Variants in MECR observed in about 807,000 individuals in gnomAD.
The protein encoded by MECR is enoyl-[acyl-carrier-protein] reductase, mitochondrial.
In MECR, 37 loss-of-function variants were observed where a neutral mutation model predicts 49.1. That is an observed-to-expected ratio of 0.75 (90% CI 0.58 to 0.99). The LOEUF is 0.99. Among genes scored for constraint, MECR ranks in the 50% least tolerant of loss-of-function variants. The probability of loss-of-function intolerance (pLI) is 0.00; values close to 1 mark genes in which losing one functional copy is unlikely to be tolerated. For missense variants in MECR, 470 were observed against 479.6 expected, an observed-to-expected ratio of 0.98 and a Z score of 0.19; for synonymous variants, 198 against 191.1, an observed-to-expected ratio of 1.04 and a Z score of -0.30.
the MECR span, among the ~76,000 whole-genome samples, chr1:29,186,344 C>T: frequency 6.6e-6 from 1 of 152,212 alleles, no homozygotes; most frequent in Non-Finnish European, 1.5e-5. Flanking sequence ...CAGCTGGCTC[C>T]TTCTTATTCA....
Position 29,206,916 on chromosome 1 carries a change from A to G in MECR, c.407-11T>C, listed in dbSNP as rs769663770. ...CGGTCCGCCAGGTTCCTGAGTCAGA[A>G]GATGAAGCCAGGATCATAAGGAAGG... On this transcript the variant is annotated splice_polypyrimidine_tract_variant and intron_variant, in intron 3 of 9. Transcript: ENST00000263702. The G allele has an allele frequency of 2.5e-6, 4 of 1,613,992 alleles. No individual in the cohort carries two copies. The South Asian group carries it at 3.3e-5, about 13-fold the overall frequency.
the MECR span, among the ~76,000 whole-genome samples, chr1:29,186,429 T>G: frequency 1.3e-5 from 2 of 152,226 alleles, no homozygotes; most frequent in Admixed American, 1.3e-4. Context: ...ACACAGTCTG[T>G]AATTACCTGG....
At chr1:29,179,128 C>G in the MECR span, among the ~76,000 whole-genome samples, 3 of 152,244 alleles carry the variant, frequency 2.0e-5, no homozygotes, top group South Asian at 4.1e-4. Context: ...CTCACTTCTT[C>G]CTTCCAGAGC....
At chr1:29,176,462 C>G in the MECR span, among the ~76,000 whole-genome samples, 2 of 148,562 alleles carry the variant, frequency 1.3e-5, no homozygotes, top group African/African-American at 5.0e-5. Flanking sequence ...TGGGAGAAGC[C>G]TTGGGAGAAT....
At chr1:29,189,408 T>C (rs981107028), downstream of MECR, among the ~76,000 whole-genome samples, 1 of 149,368 alleles carries the variant, frequency 6.7e-6, no homozygotes, top group South Asian at 2.1e-4. Flanking sequence ...GGGGGGGGTC[T>C]CCTCATGTTG....
At chr1:29,191,639 G>C (rs1349585397), downstream of MECR, among the ~76,000 whole-genome samples, 1 of 152,174 alleles carries the variant, frequency 6.6e-6, no homozygotes, top group Non-Finnish European at 1.5e-5. Flanking sequence ...GAAAGAGTTG[G>C]GGCTGATCTT....
At chr1:29,179,243 C>T in the MECR span, among the ~76,000 whole-genome samples, 1 of 152,146 alleles carries the variant, frequency 6.6e-6, no homozygotes, top group African/African-American at 2.4e-5. Flanking sequence ...AGGCTTGATC[C>T]ATGCTAGATT....
intron 1 of MECR, chr1:29,216,962 C>T (rs1034259072): frequency 6.7e-5 from 30 of 447,190 alleles, no homozygotes; most frequent in Non-Finnish European, 9.2e-5. Flanking sequence ...TGGTGAAAAC[C>T]TGTCTCTACT....
chr1:29,169,175 T>C, the MECR span: 1 of 152,222 alleles, frequency 6.6e-6, no homozygotes, highest in African/African-American at 2.4e-5. Context: ...ACTCTGAGGT[T>C]TACTGTCATC....
chr1:29,203,116 T>G lies in MECR; in HGVS notation c.653+15A>C, dbSNP rs755352423. On this transcript the variant is annotated intron_variant, in intron 5 of 9. Transcript: ENST00000263702. ...CCAAGACATGGTCTGGGATGAAGCC[T>G]CCTTCCCCACGCACCTGTCTCGGAC... The G allele has an allele frequency of 2.6e-6, 4 of 1,554,934 alleles. No individual in the cohort carries two copies. The highest frequency in any genetic ancestry group is 1.9e-5 in the Admixed American group (1 of 52,700).
chr1:29,228,496 C>A (rs1043371592), intron 1 of MECR, among the ~76,000 whole-genome samples: 4 of 151,924 alleles, frequency 2.6e-5, no homozygotes, highest in African/African-American at 9.7e-5. Context: ...GAACTACAGG[C>A]TTGCACCCCC....
intron 4 of MECR, 79 bp downstream of exon 4, chr1:29,206,683 T>C: frequency 1.3e-6 from 2 of 1,542,538 alleles, no homozygotes; most frequent in Non-Finnish European, 1.8e-6. Flanking sequence ...TTGCAAGTTC[T>C]CCTGGCCTTG....
chr1:29,183,387 C>T, the MECR span, among the ~76,000 whole-genome samples: 1 of 148,514 alleles, frequency 6.7e-6, no homozygotes, highest in Non-Finnish European at 1.5e-5. Context: ...GCATTTCTCT[C>T]TCTCTCTTTC....
intron 3 of MECR, among the ~76,000 whole-genome samples, chr1:29,213,087 G>T (rs1390976333): frequency 6.6e-6 from 1 of 152,206 alleles, no homozygotes; most frequent in African/African-American, 2.4e-5. Flanking sequence ...TCTTGTCTTG[G>T]TGTCAATCCT....
chr1:29,186,103 T>G, the MECR span, among the ~76,000 whole-genome samples: 1 of 152,204 alleles, frequency 6.6e-6, no homozygotes, highest in Admixed American at 6.5e-5. Context: ...AGAGGGGAAA[T>G]GCTTGTCCCT....
At chr1:29,177,889 C>G in the MECR span, among the ~76,000 whole-genome samples, 2 of 140,158 alleles carry the variant, frequency 1.4e-5, no homozygotes, top group African/African-American at 2.7e-5. Flanking sequence ...TCCTATTACA[C>G]AAGATTTTTT....
At chr1:29,209,164 T>C (rs1677330178) in intron 3 of MECR, among the ~76,000 whole-genome samples, 2 of 152,318 alleles carry the variant, frequency 1.3e-5, no homozygotes, top group East Asian at 1.9e-4. Flanking sequence ...AATTCGTACA[T>C]ATACATACAT....
chr1:29,211,230 C>A (rs1368477378), intron 3 of MECR, among the ~76,000 whole-genome samples: 2 of 152,164 alleles, frequency 1.3e-5, no homozygotes, highest in African/African-American at 4.8e-5. Flanking sequence ...GTGTACGCTG[C>A]CACACTTCGC....
At chr1:29,173,542 C>T in the MECR span, 2 of 138,068 alleles carry the variant, frequency 1.4e-5, no homozygotes. Flanking sequence ...TCTCGGCTCC[C>T]GGGTTCTAGC....
Sources: gnomAD v4.1 joint callset for allele counts (sites outside exome capture counted in the v4.1 genomes callset) on GRCh38, gnomAD v4.1.1 for gene constraint, MANE v1.5 for transcripts, NCBI Gene and HGNC (gene_info 2026-07-23, HGNC 2026-07-21) for gene names.